FBXO42: variants seen among roughly 807,000 people sequenced by gnomAD.
FBXO42 encodes the protein F-box protein 42, also known as F-box only protein 42.
A neutral mutation model predicts 71.7 loss-of-function variants in FBXO42; 12 were observed. The observed-to-expected ratio is 0.17, with a 90% confidence interval of 0.11 to 0.27. The LOEUF (loss-of-function observed/expected upper bound fraction) is 0.27, where lower values mean the gene tolerates loss of function less well. FBXO42 is among the 10% of genes least tolerant of loss of function. The pLI, the probability that FBXO42 is intolerant of heterozygous loss-of-function variation, is 1.00. For missense variants in FBXO42, 707 were observed against 911.9 expected, an observed-to-expected ratio of 0.78 and a Z score of 2.89; for synonymous variants, 325 against 327.5, an observed-to-expected ratio of 0.99 and a Z score of 0.08.
intron 1 of FBXO42, among the ~76,000 whole-genome samples, chr1:16,350,757 A>AAAAAGAAAGAAAGAAAGAAAGAAAG (rs1553156683): frequency 1.1e-4 from 5 of 44,248 alleles, no homozygotes; most frequent in Admixed American, 3.8e-4. Flanking sequence ...AAAAAAAAAA[A>AAAAAGAAAGAAAGAAAGAAAGAAAG]AAAGAAAGAA....
chr1:16,303,545 G>A (rs1300881987), intron 3 of FBXO42, among the ~76,000 whole-genome samples: 2 of 151,874 alleles, frequency 1.3e-5, no homozygotes, highest in Non-Finnish European at 2.9e-5. Flanking sequence ...TTCACATGAA[G>A]AGAGAAGAAA....
chr1:16,304,899 G>A (rs1225310547), intron 3 of FBXO42, among the ~76,000 whole-genome samples: 1 of 152,022 alleles, frequency 6.6e-6, no homozygotes, highest in Non-Finnish European at 1.5e-5. Context: ...AACCCAAGAG[G>A]TGGAGGTTGC....
intron 4 of FBXO42, among the ~76,000 whole-genome samples, chr1:16,259,708 G>A (rs777488439): frequency 6.6e-6 from 1 of 150,592 alleles, no homozygotes; most frequent in African/African-American, 2.5e-5. Flanking sequence ...GGAGGTTGCA[G>A]TGAGCCGAGA....
chr1:16,349,699 A>G (rs543192144), intron 1 of FBXO42, among the ~76,000 whole-genome samples: 23 of 152,268 alleles, frequency 1.5e-4, no homozygotes, highest in Non-Finnish European at 2.8e-4. Context: ...TGTCTCTACT[A>G]AAAATACAAA....
At chr1:16,325,430 A>C (rs2082441508) in intron 1 of FBXO42, among the ~76,000 whole-genome samples, 1 of 152,162 alleles carries the variant, frequency 6.6e-6, no homozygotes, top group Non-Finnish European at 1.5e-5. Flanking sequence ...GAAATAGAAT[A>C]ATTTGGCATA....
At chr1:16,334,418 C>CAAAAA (rs757658037) in intron 1 of FBXO42, among the ~76,000 whole-genome samples, 16 of 52,742 alleles carry the variant, frequency 3.0e-4, no homozygotes, top group African/African-American at 5.8e-4. Context: ...GACTCCGCCT[C>CAAAAA]AAAAAAAAAA....
intron 4 of FBXO42, among the ~76,000 whole-genome samples, chr1:16,257,507 T>C (rs555881959): frequency 2.6e-5 from 4 of 152,342 alleles, no homozygotes; most frequent in South Asian, 4.1e-4. Context: ...CTTTGGCTTA[T>C]GCTGGAAAAC....
chr1:16,248,904 C>G lies in FBXO42; in HGVS notation c.*1766G>C, dbSNP rs1373085210. On this transcript the variant is annotated 3_prime_UTR_variant, in exon 10 of 10. Coordinates refer to ENST00000375592, the MANE Select transcript of FBXO42 (RefSeq NM_018994.3). ...CAGGGTGGCTTTCCTACGAAGACCACATCATAAAAGCTAATGGCTAAGGGA... is the reference window on the plus strand; with the variant it reads ...CAGGGTGGCTTTCCTACGAAGACCAGATCATAAAAGCTAATGGCTAAGGGA... 6.6e-6 allele frequency: 1 copy of G among 152,282 alleles called. No homozygotes were observed. The highest frequency in any genetic ancestry group is 1.5e-5 in the Non-Finnish European group (1 of 68,062). 9.4% of individuals were successfully genotyped at this position (152,282 alleles called of 1,614,324 possible).
chr1:16,290,986 G>A (rs546319638), intron 4 of FBXO42, among the ~76,000 whole-genome samples: 1 of 152,258 alleles, frequency 6.6e-6, no homozygotes, highest in South Asian at 2.1e-4. Context: ...GACATCTGAT[G>A]CAGCAGTATT....
At chr1:16,279,251 C>CT (rs1176643976) in intron 4 of FBXO42, among the ~76,000 whole-genome samples, 4 of 152,154 alleles carry the variant, frequency 2.6e-5, no homozygotes, top group African/African-American at 9.7e-5. Flanking sequence ...AGATATTGTT[C>CT]TTTTAGAGAA....
At chr1:16,312,198 AT>A (rs967372598) in intron 2 of FBXO42, among the ~76,000 whole-genome samples, 4 of 151,948 alleles carry the variant, frequency 2.6e-5, no homozygotes, top group Non-Finnish European at 5.9e-5. Context: ...CTCTATAAAC[AT>A]TTTTTTAAAA....
intron 4 of FBXO42, among the ~76,000 whole-genome samples, chr1:16,261,232 T>A (rs1557572226): frequency 6.6e-6 from 1 of 152,208 alleles, no homozygotes; most frequent in Admixed American, 6.5e-5. Flanking sequence ...TACAAGGCTC[T>A]GGGACACACT....
At chr1:16,257,228 A>G (rs1312520168) in intron 4 of FBXO42, among the ~76,000 whole-genome samples, 8 of 152,208 alleles carry the variant, frequency 5.3e-5, no homozygotes, top group Admixed American at 4.6e-4. Context: ...GGATGTCTGG[A>G]TGCAACTTAA....
intron 3 of FBXO42, among the ~76,000 whole-genome samples, chr1:16,296,853 C>T (rs901119905): frequency 3.3e-5 from 5 of 151,974 alleles, no homozygotes; most frequent in African/African-American, 1.2e-4. Flanking sequence ...GTTGACTCAT[C>T]CAATGCCACT....
At chr1:16,317,160 G>A (rs1444141182) in intron 1 of FBXO42, among the ~76,000 whole-genome samples, 3 of 152,062 alleles carry the variant, frequency 2.0e-5, no homozygotes, top group South Asian at 2.1e-4. Context: ...GCTCACACCC[G>A]TAATCCCAGC....
At chr1:16,317,014 C>G (rs1287073966) in intron 1 of FBXO42, among the ~76,000 whole-genome samples, 1 of 152,212 alleles carries the variant, frequency 6.6e-6, no homozygotes, top group Non-Finnish European at 1.5e-5. Flanking sequence ...GATGCAGTGG[C>G]TCACGCCTGT....
chr1:16,346,666 C>T (rs199897129), intron 1 of FBXO42, among the ~76,000 whole-genome samples: 5 of 137,320 alleles, frequency 3.6e-5, no homozygotes, highest in South Asian at 4.5e-4. Flanking sequence ...CCAGCCTGGG[C>T]GACAGAGCTA....
chr1:16,289,644 A>AT (rs34247809), intron 4 of FBXO42, among the ~76,000 whole-genome samples: 53,006 of 151,934 alleles, frequency 0.35, 9,698 homozygotes, highest in African/African-American at 0.41. Context: ...TCCCTCCACT[A>AT]TCATTCTTTA....
chr1:16,270,751 T>TACACACAGATAC (rs2081833695), intron 4 of FBXO42, among the ~76,000 whole-genome samples: 1 of 111,002 alleles, frequency 9.0e-6, no homozygotes, highest in Non-Finnish European at 1.8e-5. Flanking sequence ...TACCATGAGA[T>TACACACAGATAC]ACACACACAC....
Sources: gnomAD v4.1 joint callset for allele counts (sites outside exome capture counted in the v4.1 genomes callset) on GRCh38, gnomAD v4.1.1 for gene constraint, MANE v1.5 for transcripts, NCBI Gene and HGNC (gene_info 2026-07-23, HGNC 2026-07-21) for gene names.